The following BMPR1B variants were observed in gnomAD, a reference collection of about 807,000 sequenced individuals.
The protein encoded by BMPR1B is bone morphogenetic protein receptor type 1B, also known as bone morphogenetic protein receptor type-1B.
In BMPR1B, 12 loss-of-function variants were observed where a neutral mutation model predicts 59.1. The ratio of observed to expected loss-of-function variants is 0.20; its 90% CI spans 0.13 to 0.33. The LOEUF is 0.33. BMPR1B is among the 10% of genes least tolerant of loss of function. The pLI is 1.00. For synonymous variants in BMPR1B, 237 were observed against 207.3 expected (o/e 1.14, Z -1.23); for missense variants, 550 against 610.9 (o/e 0.90, Z 1.05).
At chr4:94,919,779 A>C (rs1376938301) in intron 2 of BMPR1B, among the ~76,000 whole-genome samples, 1 of 152,178 alleles carries the variant, frequency 6.6e-6, no homozygotes, top group Admixed American at 6.5e-5. Flanking sequence ...GGGAACTACC[A>C]AGAAAAATAA....
chr4:94,917,402 C>G (rs182293119), intron 2 of BMPR1B, among the ~76,000 whole-genome samples: 1 of 152,218 alleles, frequency 6.6e-6, no homozygotes, highest in African/African-American at 2.4e-5. Context: ...TGCAAAGCCA[C>G]AGGGGTGGAG....
chr4:95,097,184 A>G (rs1730490342), intron 3 of BMPR1B, among the ~76,000 whole-genome samples: 1 of 149,122 alleles, frequency 6.7e-6, no homozygotes, highest in Non-Finnish European at 1.5e-5. Flanking sequence ...TGAACCACAC[A>G]TGTGTAGTGT....
intron 2 of BMPR1B, among the ~76,000 whole-genome samples, chr4:94,972,421 C>T (rs58169501): frequency 0.011 from 1,711 of 152,156 alleles, 25 homozygotes; most frequent in African/African-American, 0.036. Flanking sequence ...CTTGATACAA[C>T]CACAGATAAC....
At chr4:95,112,143 G>T (rs1031780534) in intron 4 of BMPR1B, among the ~76,000 whole-genome samples, 1 of 151,968 alleles carries the variant, frequency 6.6e-6, no homozygotes, top group Non-Finnish European at 1.5e-5. Flanking sequence ...CATTACTACA[G>T]TTCCCTGATT....
Position 95,018,862 on chromosome 4 carries a change from T to G in BMPR1B, c.-18+22728T>G, listed in dbSNP as rs977348984. ...CTTGAGCTGTGTTTACTGATCCTTTTCTGCTGCTTCTTGCTAATTGGCACC... is the reference window on the plus strand; with the variant it reads ...CTTGAGCTGTGTTTACTGATCCTTTGCTGCTGCTTCTTGCTAATTGGCACC... On this transcript the variant is annotated intron_variant, in intron 3 of 12. Coordinates refer to ENST00000515059, the MANE Select transcript of BMPR1B (RefSeq NM_001203.3). 6.6e-5 allele frequency among the ~76,000 whole-genome samples: 10 copies of G among 152,322 alleles called. 1 individual carries two copies. The East Asian group carries it at 1.7e-3, about 26-fold the overall frequency.
At chr4:94,872,320 A>G (rs769075716) in intron 1 of BMPR1B, among the ~76,000 whole-genome samples, 1 of 152,244 alleles carries the variant, frequency 6.6e-6, no homozygotes, top group Non-Finnish European at 1.5e-5. Context: ...AACTGGTTTT[A>G]AATACCCTCT....
rs1374698890 is a variant in BMPR1B, at chr4:95,104,462, C to T, written c.38C>T (p.Thr13Ile). The change falls in exon 4 of 13, where the codon ACC becomes ATC. Residue 13 changes from threonine to isoleucine, a missense_variant. This residue lies in a region of BMPR1B where 43 missense variants were observed against 35.4 expected (regional missense o/e 1.22). Coordinates refer to ENST00000515059, the MANE Select transcript of BMPR1B (RefSeq NM_001203.3). ...LRSAGKLNVG[T>I]KKEDGESTAP... is the part of the protein sequence containing the mutation. Reference sequence around the variant, plus strand: ...AGTGCAGGAAAATTAAATGTGGGCACCAAGAAAGAGGATGGTGAGAGTACA... The same window carrying T: ...AGTGCAGGAAAATTAAATGTGGGCATCAAGAAAGAGGATGGTGAGAGTACA... The T allele has an allele frequency of 3.1e-6, 5 of 1,613,206 alleles. No homozygotes were observed. The highest frequency in any genetic ancestry group is 4.2e-6 in the Non-Finnish European group (5 of 1,179,608).
At chr4:94,822,624 T>C (rs1393111966) in intron 1 of BMPR1B, among the ~76,000 whole-genome samples, 1 of 152,140 alleles carries the variant, frequency 6.6e-6, no homozygotes, top group Non-Finnish European at 1.5e-5. Flanking sequence ...CTGGACTGGG[T>C]GCTCCCTATC....
At chr4:94,768,253 A>G (rs1004184491) in intron 1 of BMPR1B, among the ~76,000 whole-genome samples, 3 of 152,066 alleles carry the variant, frequency 2.0e-5, no homozygotes, top group Non-Finnish European at 2.9e-5. Context: ...TGTGATCAGC[A>G]TGGGATATAT....
intron 2 of BMPR1B, among the ~76,000 whole-genome samples, chr4:94,903,161 T>A (rs1184545395): frequency 6.6e-6 from 1 of 152,086 alleles, no homozygotes; most frequent in Non-Finnish European, 1.5e-5. Context: ...TCTATATTAA[T>A]CTGTTCCTTA....
At chr4:95,071,068 T>C (rs1728243850) in intron 3 of BMPR1B, among the ~76,000 whole-genome samples, 1 of 152,040 alleles carries the variant, frequency 6.6e-6, no homozygotes, top group Non-Finnish European at 1.5e-5. Flanking sequence ...AGATTTTTGG[T>C]ATGTATGTAT....
At chr4:94,977,934 A>G (rs1278402735) in intron 2 of BMPR1B, among the ~76,000 whole-genome samples, 1 of 152,162 alleles carries the variant, frequency 6.6e-6, no homozygotes, top group African/African-American at 2.4e-5. Flanking sequence ...TTTATTAGGT[A>G]TATTTTCTAT....
At chr4:94,778,607 G>C (rs181516746) in intron 1 of BMPR1B, among the ~76,000 whole-genome samples, 1 of 152,020 alleles carries the variant, frequency 6.6e-6, no homozygotes, top group Admixed American at 6.6e-5. Flanking sequence ...GTGCTATATT[G>C]TTTTCCAAAG....
chr4:94,795,591 G>A (rs1340143208), intron 1 of BMPR1B, among the ~76,000 whole-genome samples: 3 of 152,208 alleles, frequency 2.0e-5, no homozygotes, highest in Admixed American at 6.5e-5. Context: ...AGCCTCCTGA[G>A]TGGCTGGGAT....
intron 3 of BMPR1B, among the ~76,000 whole-genome samples, chr4:95,087,116 C>A (rs900195594): frequency 6.6e-6 from 1 of 151,266 alleles, no homozygotes; most frequent in Admixed American, 6.6e-5. Context: ...TCAGCCTCCG[C>A]CTCCAGGCTC....
intron 2 of BMPR1B, among the ~76,000 whole-genome samples, chr4:94,934,361 G>C (rs1159687995): frequency 1.3e-5 from 2 of 151,354 alleles, no homozygotes; most frequent in African/African-American, 2.4e-5. Context: ...TAATCAACTG[G>C]AGTTTTTCTC....
chr4:94,805,529 T>C (rs983216282), intron 1 of BMPR1B, among the ~76,000 whole-genome samples: 1 of 152,312 alleles, frequency 6.6e-6, no homozygotes, highest in African/African-American at 2.4e-5. Flanking sequence ...TTCAGAAGAC[T>C]TTTGTCCCCT....
At chr4:95,117,981 C>T (rs1732195309) in intron 6 of BMPR1B, among the ~76,000 whole-genome samples, 1 of 152,034 alleles carries the variant, frequency 6.6e-6, no homozygotes, top group African/African-American at 2.4e-5. Context: ...GTTCTTGGTC[C>T]AGGGCAGTGT....
chr4:94,860,145 G>A (rs958286032), intron 1 of BMPR1B, among the ~76,000 whole-genome samples: 1 of 151,988 alleles, frequency 6.6e-6, no homozygotes, highest in Non-Finnish European at 1.5e-5. Flanking sequence ...ATGATGTGAG[G>A]GATTGTAAGT....
Sources: allele counts gnomAD v4.1 joint callset (sites outside exome capture counted in the v4.1 genomes callset), GRCh38; gene constraint gnomAD v4.1.1; regional missense constraint gnomAD v4.1.1; transcripts MANE v1.5; gene names NCBI Gene and HGNC (gene_info 2026-07-23, HGNC 2026-07-21).